Variants in PAK5 observed in about 807,000 individuals in gnomAD.
PAK5 encodes serine/threonine-protein kinase PAK 5.
PAK5 carries 16 observed loss-of-function variants against 65.9 expected under a neutral mutation model. The ratio of observed to expected loss-of-function variants is 0.24; its 90% CI spans 0.16 to 0.37. PAK5 has a LOEUF of 0.37. Ranked by LOEUF, PAK5 falls within the 10% of genes least tolerant of loss-of-function variation. The pLI, the probability that PAK5 is intolerant of heterozygous loss-of-function variation, is 1.00. For missense variants in PAK5, 785 were observed against 903.9 expected (o/e 0.87, Z 1.69); for synonymous variants, 371 against 354.9 (o/e 1.05, Z -0.51).
rs895049315 is a variant in PAK5, at chr20:9,566,442, G to T, written c.991-58C>A. ...CATGCTGGATCTGAATGCCACAGCC[G>T]AGTGGTGAGTGAGCTGACTGACAGC... On this transcript the variant is annotated intron_variant, in intron 4 of 9. Coordinates refer to ENST00000353224, the MANE Select transcript of PAK5 (RefSeq NM_177990.4). 9.3e-6 allele frequency: 14 copies of T among 1,501,832 alleles called. No individual in the cohort carries two copies. In the African/African-American group the frequency reaches 1.4e-4, roughly 15 times the overall value. 93.0% of individuals were successfully genotyped at this position (1,501,832 alleles called of 1,614,324 possible). A position where few individuals can be genotyped will look rare whatever the true frequency, so the allele number is the denominator to read the frequency against.
chr20:9,642,280 A>G (rs2047079745), intron 3 of PAK5, among the ~76,000 whole-genome samples: 1 of 152,220 alleles, frequency 6.6e-6, no homozygotes, highest in African/African-American at 2.4e-5. Flanking sequence ...CAACAATGTG[A>G]AAGTGTTCCT....
intron 1 of PAK5, among the ~76,000 whole-genome samples, chr20:9,726,870 A>C (rs959566630): frequency 1.3e-5 from 2 of 152,200 alleles, no homozygotes; most frequent in African/African-American, 4.8e-5. Context: ...ATGATCAACT[A>C]TGTATGCTAG....
chr20:9,687,503 CT>C (rs1255348141), intron 2 of PAK5, among the ~76,000 whole-genome samples: 3 of 152,116 alleles, frequency 2.0e-5, no homozygotes, highest in African/African-American at 7.2e-5. Context: ...CCTTCACTGC[CT>C]ACCAAAAATA....
Position 9,539,146 on chromosome 20 carries a change from A to G in PAK5, c.*316T>C. The G allele has an allele frequency of 8.3e-6, 2 of 242,420 alleles. No homozygotes were observed. Among genetic ancestry groups the G allele is most frequent in the Non-Finnish European group, 1.5e-5 (2 of 130,984 alleles). 15.0% of individuals were successfully genotyped at this position (242,420 alleles called of 1,614,324 possible). A position where few individuals can be genotyped will look rare whatever the true frequency, so the allele number is the denominator to read the frequency against. On this transcript the variant is annotated 3_prime_UTR_variant, in exon 10 of 10. Coordinates refer to ENST00000353224, the MANE Select transcript of PAK5 (RefSeq NM_177990.4). ...TTCAATATAGAAAATCCTACATGTTACCCTGCATGTGGCTAGGATATATCA... is the reference window on the plus strand; with the variant it reads ...TTCAATATAGAAAATCCTACATGTTGCCCTGCATGTGGCTAGGATATATCA...
intron 1 of PAK5, among the ~76,000 whole-genome samples, chr20:9,815,855 C>T (rs925659211): frequency 4.6e-5 from 7 of 152,160 alleles, no homozygotes; most frequent in Admixed American, 1.3e-4. Context: ...TCACATAACT[C>T]AAACCAACCA....
At chr20:9,572,540 T>C (rs2045808731) in intron 4 of PAK5, among the ~76,000 whole-genome samples, 1 of 152,194 alleles carries the variant, frequency 6.6e-6, no homozygotes, top group Non-Finnish European at 1.5e-5. Context: ...AGGCTTGAAG[T>C]TCATAAAAGC....
intron 1 of PAK5, among the ~76,000 whole-genome samples, chr20:9,751,568 A>C (rs1396258961): frequency 6.6e-6 from 1 of 152,162 alleles, no homozygotes; most frequent in Non-Finnish European, 1.5e-5. Context: ...GAGGCTCTGA[A>C]CACTGAGGCC....
intron 7 of PAK5, among the ~76,000 whole-genome samples, chr20:9,555,058 TTTTG>T (rs1192340214): frequency 1.3e-4 from 20 of 152,302 alleles, no homozygotes; most frequent in African/African-American, 4.6e-4. Flanking sequence ...TTGGTGGGGA[TTTTG>T]TTTGTTTATT....
chr20:9,828,064 G>C (rs1978410899), intron 1 of PAK5, among the ~76,000 whole-genome samples: 1 of 152,116 alleles, frequency 6.6e-6, no homozygotes. Context: ...TCGAACTCTT[G>C]ACCCAGGTAA....
At position 9,630,581 on chromosome 20, in the gene PAK5, A is replaced by C. The variant is rs73895931; in HGVS notation, c.204+13544T>G. Among the ~76,000 whole-genome samples, 557 of 152,352 alleles carry C rather than the reference A, an allele frequency of 3.7e-3. 5 individuals are homozygous for C. Among genetic ancestry groups the C allele is most frequent in the African/African-American group, 0.013 (525 of 41,580 alleles). On this transcript the variant is annotated intron_variant, in intron 3 of 9. Transcript: ENST00000353224. ...AGGAATACTGGCCACTTGGCCTGAA[A>C]GGGACAAAGAGAGTATGAAATAAAG...
intron 1 of PAK5, among the ~76,000 whole-genome samples, chr20:9,717,534 A>G (rs1249613448): frequency 6.6e-6 from 1 of 152,254 alleles, no homozygotes; most frequent in East Asian, 1.9e-4. Context: ...GAAACAAACA[A>G]GCAAACAAAC....
At chr20:9,576,691 G>T (rs553489582) in intron 4 of PAK5, among the ~76,000 whole-genome samples, 1 of 152,200 alleles carries the variant, frequency 6.6e-6, no homozygotes. Flanking sequence ...ACCCACAGAA[G>T]CTGCCCCTGT....
rs1476898794 is a variant in PAK5 at position 9,666,513 on chromosome 20, G to A, written c.-11-22174C>T. Among the ~76,000 whole-genome samples the A allele has an allele frequency of 4.6e-5, 7 of 151,166 alleles. No individual in the cohort carries two copies. In the South Asian group the frequency reaches 1.0e-3, roughly 23 times the overall value. On this transcript the variant is annotated intron_variant, in intron 2 of 9. Coordinates refer to ENST00000353224, the MANE Select transcript of PAK5 (RefSeq NM_177990.4). ...GCAAAACCAAGTAGGAAATACTACCGTGGAGACAAGTTCTGTTCCACAACA... is the reference window on the plus strand; with the variant it reads ...GCAAAACCAAGTAGGAAATACTACCATGGAGACAAGTTCTGTTCCACAACA...
chr20:9,822,843 T>C (rs2049439194), intron 1 of PAK5, among the ~76,000 whole-genome samples: 1 of 152,234 alleles, frequency 6.6e-6, no homozygotes, highest in Non-Finnish European at 1.5e-5. Context: ...AACTAATGAC[T>C]GATGGGAGTT....
chr20:9,762,374 G>C (rs1206922786), intron 1 of PAK5, among the ~76,000 whole-genome samples: 5 of 152,108 alleles, frequency 3.3e-5, no homozygotes, highest in Non-Finnish European at 7.4e-5. Context: ...CTGATAAGGT[G>C]TTAATATCCA....
chr20:9,681,054 A>G (rs539299680), intron 2 of PAK5, among the ~76,000 whole-genome samples: 1 of 152,176 alleles, frequency 6.6e-6, no homozygotes, highest in Non-Finnish European at 1.5e-5. Flanking sequence ...TTTTGCGTCT[A>G]TGTTGAGGCT....
At chr20:9,800,005 TGAAAG>T (rs1341106898) in intron 1 of PAK5, among the ~76,000 whole-genome samples, 2 of 135,816 alleles carry the variant, frequency 1.5e-5, no homozygotes, top group South Asian at 2.3e-4. Context: ...AGTTGACAAA[TGAAAG>T]ATAGTGTAGT....
intron 1 of PAK5, among the ~76,000 whole-genome samples, chr20:9,725,080 C>T (rs1190317989): frequency 6.6e-6 from 1 of 151,708 alleles, no homozygotes; most frequent in East Asian, 1.9e-4. Context: ...TAAAATGGAA[C>T]ACACACACAC....
chr20:9,789,988 G>A (rs1419354233), intron 1 of PAK5, among the ~76,000 whole-genome samples: 1 of 152,112 alleles, frequency 6.6e-6, no homozygotes, highest in South Asian at 2.1e-4. Context: ...GTAAATGAAT[G>A]AGCAAATGCT....
Sources: allele counts gnomAD v4.1 joint callset (sites outside exome capture counted in the v4.1 genomes callset), GRCh38; gene constraint gnomAD v4.1.1; transcripts MANE v1.5; gene names NCBI Gene and HGNC (gene_info 2026-07-23, HGNC 2026-07-21).